The following TENM3 variants were observed in gnomAD, a reference collection of about 807,000 sequenced individuals.
The protein encoded by TENM3 is teneurin transmembrane protein 3, also known as teneurin-3.
Under a neutral mutation model 255.1 loss-of-function variants are expected in TENM3, and 63 were observed. That is an observed-to-expected ratio of 0.25 (90% CI 0.20 to 0.30). The LOEUF is 0.30. Ranked by LOEUF, TENM3 falls within the 10% of genes least tolerant of loss-of-function variation. The pLI is 1.00. For synonymous variants in TENM3, 1,306 were observed against 1,322.3 expected (o/e 0.99, Z 0.27); for missense variants, 2,929 against 3,461.1 (o/e 0.85, Z 3.86).
At chr4:182,437,494 C>CA (rs5864783) in intron 3 of TENM3, among the ~76,000 whole-genome samples, 2 of 151,876 alleles carry the variant, frequency 1.3e-5, no homozygotes, top group African/African-American at 4.8e-5. Flanking sequence ...ACAAAAAATA[C>CA]AAAAAAAATA....
At chr4:182,628,953 G>A in intron 5 of TENM3, 64 bp downstream of exon 5, 1 of 962,110 alleles carries the variant, frequency 1.0e-6, no homozygotes, top group Non-Finnish European at 1.6e-6. Context: ...TTTATTACTT[G>A]TATTTATTCA....
the TENM3 span, among the ~76,000 whole-genome samples, chr4:181,495,781 C>T: frequency 6.6e-6 from 1 of 151,090 alleles, no homozygotes; most frequent in East Asian, 2.0e-4. Context: ...TATGGGGATG[C>T]ATGAGAGAAT....
At chr4:182,266,039 T>G in intron 1 of TENM3, among the ~76,000 whole-genome samples, 1 of 152,212 alleles carries the variant, frequency 6.6e-6, no homozygotes, top group Non-Finnish European at 1.5e-5. Flanking sequence ...AGATTCTAGT[T>G]AAGGCCTGGG....
At chr4:181,732,972 A>G in the TENM3 span, among the ~76,000 whole-genome samples, 41 of 152,232 alleles carry the variant, frequency 2.7e-4, no homozygotes, top group Non-Finnish European at 4.9e-4. Context: ...TTTATCCATT[A>G]TTTATTGAGA....
chr4:182,052,250 A>T, the TENM3 span, among the ~76,000 whole-genome samples: 4 of 152,120 alleles, frequency 2.6e-5, no homozygotes, highest in Non-Finnish European at 5.9e-5. Context: ...CTTATGAAGG[A>T]ACAGGCACCT....
intron 3 of TENM3, among the ~76,000 whole-genome samples, chr4:182,372,596 T>C (rs376646769): frequency 9.9e-5 from 15 of 152,190 alleles, no homozygotes; most frequent in East Asian, 5.8e-4. Context: ...GATAAATACC[T>C]TGTCCTCAAA....
chr4:182,007,649 C>T, the TENM3 span, among the ~76,000 whole-genome samples: 10 of 152,146 alleles, frequency 6.6e-5, no homozygotes, highest in Non-Finnish European at 1.2e-4. Context: ...CTAGATACAG[C>T]GCACCAATGG....
At chr4:181,668,300 G>A in the TENM3 span, among the ~76,000 whole-genome samples, 20 of 152,106 alleles carry the variant, frequency 1.3e-4, no homozygotes, top group African/African-American at 4.8e-4. Context: ...TAATTCTACT[G>A]ATCTAAAATT....
intron 10 of TENM3, 41 bp from the exon 11 acceptor site, chr4:182,681,773 A>G (rs1312165884): frequency 2.8e-6 from 4 of 1,451,078 alleles, no homozygotes; most frequent in East Asian, 2.4e-5. Flanking sequence ...GCACTATGAT[A>G]TCTTCTGGAT....
chr4:181,570,581 G>A, the TENM3 span, among the ~76,000 whole-genome samples: 1 of 149,562 alleles, frequency 6.7e-6, no homozygotes, highest in South Asian at 2.1e-4. Flanking sequence ...GGAAAAGAGA[G>A]AAAAAGAAAG....
chr4:182,239,792 C>T (rs1177424574), upstream of TENM3, among the ~76,000 whole-genome samples: 1 of 151,518 alleles, frequency 6.6e-6, no homozygotes, highest in African/African-American at 2.4e-5. Context: ...CAAATAATCG[C>T]AAAAAAAGCT....
chr4:181,981,650 G>A, the TENM3 span, among the ~76,000 whole-genome samples: 1 of 152,056 alleles, frequency 6.6e-6, no homozygotes, highest in Non-Finnish European at 1.5e-5. Flanking sequence ...GACTTTGGTG[G>A]GATTTGGGGA....
At chr4:182,480,171 C>T (rs1435998083) in intron 3 of TENM3, among the ~76,000 whole-genome samples, 1 of 151,944 alleles carries the variant, frequency 6.6e-6, no homozygotes, top group Non-Finnish European at 1.5e-5. Context: ...TTTAATCTCT[C>T]TGAGCTGTGT....
rs184055752 is a variant in TENM3, at chr4:182,507,320, A to G, written c.512-93604A>G. 2.0e-5 allele frequency among the ~76,000 whole-genome samples: 3 copies of G among 152,318 alleles called. No individual in the cohort carries two copies. In the East Asian group the frequency reaches 5.8e-4, roughly 29 times the overall value. On this transcript the variant is annotated intron_variant, in intron 3 of 27. Coordinates refer to ENST00000511685, the MANE Select transcript of TENM3 (RefSeq NM_001080477.4). ...TAGGTCCCATAATCTCTGAGAATTT[A>G]CCAGCTTTACTGTTTTCTTTTTCTT... is the stretch of plus-strand genomic sequence containing the variant.
At chr4:182,574,779 C>A (rs1020777780) in intron 3 of TENM3, among the ~76,000 whole-genome samples, 2 of 152,076 alleles carry the variant, frequency 1.3e-5, no homozygotes, top group Non-Finnish European at 2.9e-5. Flanking sequence ...TCTCAATGAG[C>A]TATTTCAAAA....
the TENM3 span, among the ~76,000 whole-genome samples, chr4:181,931,414 A>G: frequency 2.0e-5 from 3 of 152,234 alleles, no homozygotes; most frequent in Non-Finnish European, 4.4e-5. Flanking sequence ...TCCCATTCAC[A>G]ATTCCTACAA....
At chr4:181,591,572 A>G in the TENM3 span, among the ~76,000 whole-genome samples, 3 of 152,352 alleles carry the variant, frequency 2.0e-5, no homozygotes, top group South Asian at 6.2e-4. Flanking sequence ...ACCACACAGC[A>G]AATACCCAAG....
At chr4:181,667,726 T>C in the TENM3 span, among the ~76,000 whole-genome samples, 1 of 152,164 alleles carries the variant, frequency 6.6e-6, no homozygotes, top group Non-Finnish European at 1.5e-5. Context: ...AATACATTTA[T>C]TTTCATTATA....
intron 1 of TENM3, among the ~76,000 whole-genome samples, chr4:182,161,749 A>G (rs866895829): frequency 1.3e-5 from 1 of 75,460 alleles, no homozygotes; most frequent in Non-Finnish European, 2.6e-5. Flanking sequence ...ATATATGTGT[A>G]TATATATACA....
Sources: allele counts gnomAD v4.1 joint callset (sites outside exome capture counted in the v4.1 genomes callset), GRCh38; gene constraint gnomAD v4.1.1; transcripts MANE v1.5; gene names NCBI Gene and HGNC (gene_info 2026-07-23, HGNC 2026-07-21).